Variants in NBAS observed in about 807,000 individuals in gnomAD.
NBAS encodes the protein NAG/BC035112 fusion.
Under a neutral mutation model 302.5 loss-of-function variants are expected in NBAS, and 219 were observed. The ratio of observed to expected loss-of-function variants is 0.72; its 90% CI spans 0.65 to 0.81. The LOEUF is 0.81. Ranked by LOEUF, NBAS falls within the 30% of genes least tolerant of loss-of-function variation. NBAS has a pLI of 0.00. For missense variants in NBAS, 2,932 were observed against 2,841.6 expected (o/e 1.03, Z -0.72); for synonymous variants, 1,118 against 1,021.6 (o/e 1.09, Z -1.80).
chr2:15,206,763 C>T (rs1362622091), intron 48 of NBAS, among the ~76,000 whole-genome samples: 2 of 152,220 alleles, frequency 1.3e-5, no homozygotes, highest in African/African-American at 4.8e-5. Context: ...TTGGTGGCTT[C>T]TACATGATGC....
intron 44 of NBAS, among the ~76,000 whole-genome samples, chr2:15,245,427 G>C (rs1037226885): frequency 6.6e-6 from 1 of 152,106 alleles, no homozygotes; most frequent in South Asian, 2.1e-4. Flanking sequence ...TCTTATCCGA[G>C]AGGCCTTCCC....
chr2:15,126,070 T>C, the NBAS span, among the ~76,000 whole-genome samples: 3 of 152,148 alleles, frequency 2.0e-5, no homozygotes, highest in African/African-American at 7.2e-5. Flanking sequence ...GTGTTTTGGA[T>C]TCTCATGGCA....
At chr2:15,283,230 G>C (rs1234177498) in intron 42 of NBAS, among the ~76,000 whole-genome samples, 1 of 152,150 alleles carries the variant, frequency 6.6e-6, no homozygotes, top group Non-Finnish European at 1.5e-5. Context: ...AAATGACCCT[G>C]TGTCCAAAAC....
chr2:15,077,941 C>A, the NBAS span, among the ~76,000 whole-genome samples: 1 of 152,032 alleles, frequency 6.6e-6, no homozygotes, highest in Admixed American at 6.5e-5. Flanking sequence ...CTCAGCCTCC[C>A]AAAATGCTGG....
intron 38 of NBAS, among the ~76,000 whole-genome samples, chr2:15,324,495 T>C (rs1424969495): frequency 6.6e-6 from 1 of 152,158 alleles, no homozygotes; most frequent in Non-Finnish European, 1.5e-5. Flanking sequence ...TTTCCCCTTA[T>C]TCATCCTTCC....
At chr2:15,136,948 G>A in the NBAS span, among the ~76,000 whole-genome samples, 1 of 152,166 alleles carries the variant, frequency 6.6e-6, no homozygotes, top group Non-Finnish European at 1.5e-5. Flanking sequence ...CCCCAGCCAT[G>A]TGAAACTGTG....
the NBAS span, among the ~76,000 whole-genome samples, chr2:15,100,875 C>T: frequency 6.6e-6 from 1 of 152,160 alleles, no homozygotes; most frequent in Admixed American, 6.5e-5. Flanking sequence ...ACGGAATTCA[C>T]TAGCAAGCTT....
At chr2:14,957,429 C>T in the NBAS span, among the ~76,000 whole-genome samples, 1 of 151,866 alleles carries the variant, frequency 6.6e-6, no homozygotes, top group African/African-American at 2.4e-5. Context: ...ATAGAATTTC[C>T]CAAGCGCATT....
chr2:15,038,598 T>A, the NBAS span, among the ~76,000 whole-genome samples: 2 of 152,192 alleles, frequency 1.3e-5, no homozygotes, highest in Non-Finnish European at 2.9e-5. Context: ...AGACATGTCA[T>A]ATTGTTTTAC....
chr2:15,275,946 C>A lies in NBAS; in HGVS notation c.5390-128G>T, dbSNP rs370084157. 42 of 788,656 alleles carry A rather than the reference C, an allele frequency of 5.3e-5. No individual in the cohort carries two copies. The South Asian group carries it at 6.4e-4, about 12-fold the overall frequency. 48.9% of individuals were successfully genotyped at this position (788,656 alleles called of 1,614,324 possible). ...GATCTATCAACTTAGCTCTAAGTAG[C>A]TAGTTTATATTTTCTATTAGAAAGA... On this transcript the variant is annotated intron_variant, in intron 43 of 51. Transcript: ENST00000281513.
intron 30 of NBAS, among the ~76,000 whole-genome samples, chr2:15,375,061 C>T (rs936174034): frequency 2.0e-5 from 3 of 151,484 alleles, no homozygotes; most frequent in East Asian, 1.9e-4. Context: ...GATTCTATTA[C>T]AAAAAAAAAT....
At chr2:15,517,976 T>TA (rs1461933582) in intron 9 of NBAS, among the ~76,000 whole-genome samples, 3 of 152,142 alleles carry the variant, frequency 2.0e-5, no homozygotes, top group Non-Finnish European at 4.4e-5. Flanking sequence ...AGTCTTAAGT[T>TA]AAAAAAATCA....
intron 44 of NBAS, among the ~76,000 whole-genome samples, chr2:15,258,813 G>A (rs1572542680): frequency 6.6e-6 from 1 of 152,102 alleles, no homozygotes; most frequent in Non-Finnish European, 1.5e-5. Context: ...TGTGATCTTT[G>A]TTCTCCTTTT....
At chr2:14,879,296 A>G in the NBAS span, among the ~76,000 whole-genome samples, 1 of 152,068 alleles carries the variant, frequency 6.6e-6, no homozygotes, top group Non-Finnish European at 1.5e-5. Flanking sequence ...TATACTCACC[A>G]TTTTGGGGGA....
chr2:15,523,978 A>G (rs13416509), intron 9 of NBAS, among the ~76,000 whole-genome samples: 2,591 of 152,306 alleles, frequency 0.017, 65 homozygotes, highest in African/African-American at 0.059. Flanking sequence ...TGAACACTGA[A>G]AAAAGGTAAC....
At chr2:15,183,924 A>T (rs186790977) in intron 50 of NBAS, among the ~76,000 whole-genome samples, 9 of 152,306 alleles carry the variant, frequency 5.9e-5, no homozygotes, top group Non-Finnish European at 1.0e-4. Context: ...GACCCCTGCA[A>T]ATAAACTTAA....
rs1480691360 is a variant in NBAS, at chr2:15,221,327, G to A, written c.6237-2359C>T. ...GAAGGTCCCAAGAGTGTGTCACCTGGAGTCTGTGAAATCAAGATAACATAT... is the reference window on the plus strand; with the variant it reads ...GAAGGTCCCAAGAGTGTGTCACCTGAAGTCTGTGAAATCAAGATAACATAT... On this transcript the variant is annotated intron_variant, in intron 47 of 51. Coordinates refer to ENST00000281513, the MANE Select transcript of NBAS (RefSeq NM_015909.4). 2.6e-5 allele frequency among the ~76,000 whole-genome samples: 4 copies of A among 152,182 alleles called. No homozygotes were observed. In the East Asian group the frequency reaches 5.8e-4, roughly 22 times the overall value.
intron 6 of NBAS, among the ~76,000 whole-genome samples, chr2:15,543,378 T>A (rs1422160203): frequency 6.6e-6 from 1 of 152,232 alleles, no homozygotes. Context: ...CTAAGTAGCC[T>A]CTGAGCCCCA....
At chr2:14,949,528 T>G in the NBAS span, among the ~76,000 whole-genome samples, 4 of 152,048 alleles carry the variant, frequency 2.6e-5, no homozygotes, top group Non-Finnish European at 4.4e-5. Flanking sequence ...AAATCAAAAC[T>G]ACAGTATATT....
Sources: gnomAD v4.1 joint callset for allele counts (sites outside exome capture counted in the v4.1 genomes callset) on GRCh38, gnomAD v4.1.1 for gene constraint, MANE v1.5 for transcripts, NCBI Gene and HGNC (gene_info 2026-07-23, HGNC 2026-07-21) for gene names.